Variants in KCNN2 observed in about 807,000 individuals in gnomAD.
The protein encoded by KCNN2 is potassium calcium-activated channel subfamily N member 2, also known as small conductance calcium-activated potassium channel protein 2.
A neutral mutation model predicts 55.5 loss-of-function variants in KCNN2; 24 were observed. The ratio of observed to expected loss-of-function variants is 0.43; its 90% CI spans 0.31 to 0.61. The LOEUF (loss-of-function observed/expected upper bound fraction) is 0.61, where lower values mean the gene tolerates loss of function less well. KCNN2 is among the 20% of genes least tolerant of loss of function. The probability of loss-of-function intolerance (pLI) is 0.08; values close to 1 mark genes in which losing one functional copy is unlikely to be tolerated. For synonymous variants in KCNN2, 431 were observed against 336.1 expected (o/e 1.28, Z -3.09); for missense variants, 754 against 853.6 (o/e 0.88, Z 1.45).
intron 2 of KCNN2, among the ~76,000 whole-genome samples, chr5:114,291,140 T>C (rs939636970): frequency 6.6e-6 from 1 of 152,032 alleles, no homozygotes; most frequent in African/African-American, 2.4e-5. Context: ...AATATAGTTA[T>C]TAAAATATTT....
intron 2 of KCNN2, among the ~76,000 whole-genome samples, chr5:114,235,595 C>T (rs943063095): frequency 2.0e-5 from 3 of 152,162 alleles, no homozygotes; most frequent in African/African-American, 2.4e-5. Flanking sequence ...ATATTACCAA[C>T]GTGTATACAT....
In KCNN2 at chr5:114,062,100, CT is replaced by C. The variant is rs35235217; in HGVS notation, c.-271+5613del. 5.7e-3 allele frequency among the ~76,000 whole-genome samples: 813 copies of C among 143,084 alleles called. 3 individuals are homozygous for C. The highest frequency in any genetic ancestry group is 7.3e-3 in the East Asian group (36 of 4,916). 93.9% of individuals were successfully genotyped at this position (143,084 alleles called of 152,430 possible). On this transcript the variant is annotated intron_variant, in intron 1 of 10. Transcript: ENST00000512097. ...GTTATTTATTTAAGATATATGGGTT[CT>C]TTTTTTTTTTTTATAAAATTTAGTC... is the stretch of plus-strand genomic sequence containing the variant.
intron 2 of KCNN2, among the ~76,000 whole-genome samples, chr5:114,371,028 G>C (rs747687672): frequency 6.6e-6 from 1 of 152,166 alleles, no homozygotes; most frequent in Non-Finnish European, 1.5e-5. Flanking sequence ...ATAGAGATGA[G>C]GAGAAGTGGG....
intron 1 of KCNN2, among the ~76,000 whole-genome samples, chr5:114,145,152 A>C (rs1298068940): frequency 1.3e-5 from 2 of 152,204 alleles, no homozygotes; most frequent in African/African-American, 4.8e-5. Context: ...AAAAGGAAAA[A>C]AGGAGTTAAA....
intron 2 of KCNN2, among the ~76,000 whole-genome samples, chr5:114,252,087 A>G (rs1285459133): frequency 6.6e-6 from 1 of 151,738 alleles, no homozygotes; most frequent in Admixed American, 6.6e-5. Flanking sequence ...CATGTTGGCC[A>G]GGCTCGTCTT....
At chr5:114,486,837 A>G (rs553142490) in intron 5 of KCNN2, 3 of 1,203,932 alleles carry the variant, frequency 2.5e-6, no homozygotes, top group African/African-American at 1.6e-5. Context: ...AGAAAGTGGT[A>G]GTATCTCCCT....
intron 1 of KCNN2, among the ~76,000 whole-genome samples, chr5:114,147,582 G>C (rs1327355587): frequency 2.6e-5 from 4 of 152,150 alleles, no homozygotes; most frequent in African/African-American, 7.2e-5. Context: ...CAATATGAGA[G>C]ACTTGTCCCT....
At chr5:114,468,296 CAT>C (rs1401336079) in intron 4 of KCNN2, among the ~76,000 whole-genome samples, 5 of 152,112 alleles carry the variant, frequency 3.3e-5, no homozygotes, top group Admixed American at 2.6e-4. Flanking sequence ...GATTGTTTCA[CAT>C]GTTTTTATGA....
At chr5:114,245,634 A>C (rs920206184) in intron 2 of KCNN2, among the ~76,000 whole-genome samples, 4 of 152,154 alleles carry the variant, frequency 2.6e-5, no homozygotes, top group African/African-American at 7.2e-5. Context: ...CTGACTGTGA[A>C]ATAACAATAT....
chr5:114,227,994 C>CGATGAT (rs67331767), intron 2 of KCNN2, among the ~76,000 whole-genome samples: 5 of 151,554 alleles, frequency 3.3e-5, no homozygotes, highest in East Asian at 1.9e-4. Flanking sequence ...ATGATGATGA[C>CGATGAT]GATGATGATG....
At chr5:114,093,328 T>A (rs1751188311) in intron 1 of KCNN2, among the ~76,000 whole-genome samples, 1 of 152,180 alleles carries the variant, frequency 6.6e-6, no homozygotes, top group Non-Finnish European at 1.5e-5. Flanking sequence ...ACTATCAGCA[T>A]TTTGGTCAAA....
intron 2 of KCNN2, among the ~76,000 whole-genome samples, chr5:114,277,842 A>G (rs1376337032): frequency 6.6e-6 from 1 of 152,158 alleles, no homozygotes; most frequent in East Asian, 1.9e-4. Flanking sequence ...AATTCTGTCA[A>G]CATGTCAAAC....
intron 5 of KCNN2, among the ~76,000 whole-genome samples, chr5:114,477,049 G>C (rs1174983554): frequency 1.5e-5 from 1 of 65,736 alleles, no homozygotes; most frequent in African/African-American, 3.4e-5. Context: ...AGTAAATAGA[G>C]ATCTAAAAAC....
At chr5:114,479,264 C>A (rs1329798620) in intron 5 of KCNN2, among the ~76,000 whole-genome samples, 2 of 150,020 alleles carry the variant, frequency 1.3e-5, no homozygotes, top group Non-Finnish European at 3.0e-5. Context: ...GGGTGGAAAT[C>A]CTAGTTCCTG....
At chr5:114,266,982 C>A (rs954931640) in intron 2 of KCNN2, among the ~76,000 whole-genome samples, 2 of 135,664 alleles carry the variant, frequency 1.5e-5, no homozygotes, top group African/African-American at 5.4e-5. Flanking sequence ...TCACGAACAC[C>A]CCTTCCCTCC....
chr5:114,239,813 T>C (rs182032478), intron 2 of KCNN2, among the ~76,000 whole-genome samples: 1 of 152,324 alleles, frequency 6.6e-6, no homozygotes, highest in East Asian at 1.9e-4. Context: ...CTTCATTTGA[T>C]GTCATAGGTG....
chr5:114,172,585 C>A (rs1258701705), intron 1 of KCNN2, among the ~76,000 whole-genome samples: 1 of 128,648 alleles, frequency 7.8e-6, no homozygotes, highest in East Asian at 2.0e-4. Flanking sequence ...GGAGATAACA[C>A]ATATTTAGTT....
intron 2 of KCNN2, among the ~76,000 whole-genome samples, chr5:114,380,467 C>T (rs1758084754): frequency 6.6e-6 from 1 of 152,164 alleles, no homozygotes; most frequent in African/African-American, 2.4e-5. Context: ...GATCGTGATT[C>T]AATTCCAGGT....
chr5:114,389,923 A>G (rs1332671519), intron 2 of KCNN2, among the ~76,000 whole-genome samples: 3 of 152,156 alleles, frequency 2.0e-5, no homozygotes, highest in Non-Finnish European at 1.5e-5. Flanking sequence ...TGATGCCCCC[A>G]TCAAATGATG....
Sources: allele counts gnomAD v4.1 joint callset (sites outside exome capture counted in the v4.1 genomes callset), GRCh38; gene constraint gnomAD v4.1.1; transcripts MANE v1.5; gene names NCBI Gene and HGNC (gene_info 2026-07-23, HGNC 2026-07-21).